Variants in EPB41L5 observed in about 807,000 individuals in gnomAD.
EPB41L5 encodes the protein band 4.1-like protein 5.
EPB41L5 carries 55 observed loss-of-function variants against 106.6 expected under a neutral mutation model. That is an observed-to-expected ratio of 0.52 (90% CI 0.42 to 0.65). The LOEUF (loss-of-function observed/expected upper bound fraction) is 0.65. Among genes scored for constraint, EPB41L5 ranks in the 30% least tolerant of loss-of-function variants. The probability of loss-of-function intolerance (pLI) is 0.00; values close to 1 mark genes in which losing one functional copy is unlikely to be tolerated. For synonymous variants in EPB41L5, 297 were observed against 306.7 expected (o/e 0.97, Z 0.33); for missense variants, 871 against 882.1 (o/e 0.99, Z 0.16).
chr2:120,143,076 T>C lies in EPB41L5; in HGVS notation c.1673T>C (p.Val558Ala), dbSNP rs762509732. The change falls in exon 19 of 25, where the codon GTT (valine) becomes GCT (alanine). Residue 558 changes from valine to alanine, a missense_variant. Transcript: ENST00000263713. ...AGCCCAGGATTGAATGTCATGAGAG[T>C]TCCTCCTGACTTCAAGAGTAACATT... Reference protein sequence around the residue: ...IESPGLNVMRVPPDFKSNILK... With the variant: ...IESPGLNVMRAPPDFKSNILK... The C allele has an allele frequency of 3.7e-6, 6 of 1,610,784 alleles. No homozygotes were observed. The highest frequency in any genetic ancestry group is 1.7e-4 in the Middle Eastern group (1 of 6,036).
At chr2:120,037,546 A>G (rs1403632502) in intron 2 of EPB41L5, among the ~76,000 whole-genome samples, 2 of 152,092 alleles carry the variant, frequency 1.3e-5, no homozygotes, top group Non-Finnish European at 2.9e-5. Flanking sequence ...GCTGCGTGTG[A>G]TGGCTCACAC....
intron 3 of EPB41L5, among the ~76,000 whole-genome samples, chr2:120,068,507 C>T (rs1422859487): frequency 1.3e-5 from 2 of 152,170 alleles, no homozygotes; most frequent in East Asian, 1.9e-4. Context: ...CTGGGACGCT[C>T]AGGCTTGGTG....
intron 24 of EPB41L5, among the ~76,000 whole-genome samples, chr2:120,172,721 G>T (rs907710290): frequency 2.6e-5 from 4 of 152,258 alleles, no homozygotes; most frequent in African/African-American, 9.6e-5. Flanking sequence ...GCAGTAGAGA[G>T]GTGCAGGGAT....
At chr2:120,139,774 A>C (rs933437310) in intron 18 of EPB41L5, among the ~76,000 whole-genome samples, 32 of 152,046 alleles carry the variant, frequency 2.1e-4, no homozygotes, top group Middle Eastern at 3.4e-3. Context: ...CAAAAACCCA[A>C]AAATGGAACG....
intron 3 of EPB41L5, among the ~76,000 whole-genome samples, chr2:120,061,919 T>C (rs752579624): frequency 6.6e-6 from 1 of 152,176 alleles, no homozygotes; most frequent in Non-Finnish European, 1.5e-5. Context: ...AGACAGATGG[T>C]CCAACATGTG....
chr2:120,158,848 T>C (rs1687013061), intron 20 of EPB41L5, among the ~76,000 whole-genome samples: 1 of 152,188 alleles, frequency 6.6e-6, no homozygotes. Context: ...CCCCATAGTC[T>C]CAGCCTAAAA....
In EPB41L5 at chr2:120,100,295, A is replaced by G. The variant is rs760371759; in HGVS notation, c.1221+9A>G. ...GTAATGGCTCCCAACAGGTAAGACA[A>G]TACTAAGCTTCTAAAACACTGGATC... On this transcript the variant is annotated intron_variant, in intron 15 of 24. Coordinates refer to ENST00000263713, the MANE Select transcript of EPB41L5 (RefSeq NM_020909.4). 7 of 1,612,170 alleles carry G rather than the reference A, an allele frequency of 4.3e-6. No homozygotes were observed. Among genetic ancestry groups the G allele is most frequent in the African/African-American group, 1.3e-5 (1 of 74,986 alleles).
intron 3 of EPB41L5, among the ~76,000 whole-genome samples, chr2:120,070,790 C>T (rs1681809702): frequency 6.6e-6 from 1 of 152,126 alleles, no homozygotes; most frequent in African/African-American, 2.4e-5. Flanking sequence ...TTCAACAGCC[C>T]TTCATGTTAA....
intron 2 of EPB41L5, among the ~76,000 whole-genome samples, chr2:120,028,190 A>G (rs1481179974): frequency 6.6e-6 from 1 of 151,932 alleles, no homozygotes; most frequent in Non-Finnish European, 1.5e-5. Context: ...TTTAAAAAGA[A>G]TGCATTGATT....
chr2:120,155,753 TCTGC>T (rs932013781), intron 20 of EPB41L5, among the ~76,000 whole-genome samples: 4 of 152,028 alleles, frequency 2.6e-5, no homozygotes, highest in Non-Finnish European at 5.9e-5. Flanking sequence ...CACTGACTAT[TCTGC>T]CTGCTTGAAT....
chr2:120,120,274 T>A (rs1685149516), intron 16 of EPB41L5, among the ~76,000 whole-genome samples: 1 of 151,080 alleles, frequency 6.6e-6, no homozygotes, highest in African/African-American at 2.4e-5. Context: ...ACTGAAAATA[T>A]AAATAAAACT....
chr2:120,100,636 T>A, intron 15 of EPB41L5, 63 bp from the exon 16 acceptor site: 1 of 1,146,836 alleles, frequency 8.7e-7, no homozygotes, highest in Non-Finnish European at 1.3e-6. Flanking sequence ...CATTTTAGTA[T>A]TTGTTGGTGA....
At chr2:120,068,417 A>G (rs1238079615) in intron 3 of EPB41L5, among the ~76,000 whole-genome samples, 1 of 152,134 alleles carries the variant, frequency 6.6e-6, no homozygotes, top group Non-Finnish European at 1.5e-5. Context: ...AGCTCAGTGG[A>G]TCTCACTCCC....
chr2:120,078,592 GT>G lies in EPB41L5; in HGVS notation c.803+13del, dbSNP rs747251939. On this transcript the variant is annotated intron_variant, in intron 10 of 24. Transcript: ENST00000263713. ...TGGCTTATTTTTTTGGTAAGCAAGAGTTATTGTCAAAGATACTTACTGTTGT... is the reference window on the plus strand; with the variant it reads ...TGGCTTATTTTTTTGGTAAGCAAGAGTATTGTCAAAGATACTTACTGTTGT... The G allele has an allele frequency of 8.9e-6, 14 of 1,577,016 alleles. No individual in the cohort carries two copies. In the African/African-American group the frequency reaches 1.6e-4, roughly 18 times the overall value.
intron 2 of EPB41L5, among the ~76,000 whole-genome samples, chr2:120,037,875 C>T (rs1001353605): frequency 1.3e-5 from 2 of 152,206 alleles, no homozygotes; most frequent in South Asian, 2.1e-4. Context: ...TTTCCTTATA[C>T]CATATACAAA....
At chr2:120,115,194 T>C (rs1684891898) in intron 16 of EPB41L5, among the ~76,000 whole-genome samples, 1 of 152,206 alleles carries the variant, frequency 6.6e-6, no homozygotes, top group Non-Finnish European at 1.5e-5. Context: ...TGGATCATGT[T>C]TTTTAATTCA....
intron 2 of EPB41L5, among the ~76,000 whole-genome samples, chr2:120,031,831 C>G (rs1336542043): frequency 1.3e-5 from 2 of 152,056 alleles, no homozygotes; most frequent in African/African-American, 4.8e-5. Flanking sequence ...CTTGAGAAAC[C>G]AGAATCAAGA....
intron 10 of EPB41L5, among the ~76,000 whole-genome samples, chr2:120,079,867 C>T (rs1352578568): frequency 2.0e-5 from 3 of 152,098 alleles, no homozygotes; most frequent in Non-Finnish European, 4.4e-5. Context: ...CTTGAGACTT[C>T]CCTTTCCTGT....
chr2:120,078,782 C>T (rs1682428786), intron 10 of EPB41L5, among the ~76,000 whole-genome samples: 1 of 152,064 alleles, frequency 6.6e-6, no homozygotes, highest in Admixed American at 6.6e-5. Flanking sequence ...CTGTATTTCC[C>T]ATTAGTTTCA....
Sources: gnomAD v4.1 joint callset for allele counts (sites outside exome capture counted in the v4.1 genomes callset) on GRCh38, gnomAD v4.1.1 for gene constraint, MANE v1.5 for transcripts, NCBI Gene and HGNC (gene_info 2026-07-23, HGNC 2026-07-21) for gene names.